The following CCDC6 variants were observed in gnomAD, a reference collection of about 807,000 sequenced individuals.
CCDC6 encodes coiled-coil domain containing 6.
CCDC6 carries 20 observed loss-of-function variants against 56.6 expected under a neutral mutation model. The observed-to-expected ratio is 0.35, with a 90% CI of 0.25 to 0.51. The LOEUF (loss-of-function observed/expected upper bound fraction) is 0.51. CCDC6 is among the 20% of genes least tolerant of loss of function. CCDC6 has a pLI of 0.95. For missense variants in CCDC6, 367 were observed against 601.1 expected, an observed-to-expected ratio of 0.61 and a Z score of 4.07; for synonymous variants, 241 against 234.4, an observed-to-expected ratio of 1.03 and a Z score of -0.26.
At chr10:59,837,881 A>C (rs1028841165) in intron 2 of CCDC6, among the ~76,000 whole-genome samples, 1 of 152,062 alleles carries the variant, frequency 6.6e-6, no homozygotes, top group African/African-American at 2.4e-5. Flanking sequence ...ATTACCAAGG[A>C]ATGGAGCTAC....
At chr10:59,882,817 G>A (rs543906845) in intron 1 of CCDC6, among the ~76,000 whole-genome samples, 27 of 152,148 alleles carry the variant, frequency 1.8e-4, no homozygotes, top group African/African-American at 5.8e-4. Context: ...AAAATTAGCC[G>A]GGCGTGGTGG....
intron 3 of CCDC6, among the ~76,000 whole-genome samples, chr10:59,818,502 G>GC (rs953227789): frequency 2.1e-5 from 3 of 140,552 alleles, no homozygotes; most frequent in Admixed American, 7.1e-5. Flanking sequence ...TGACGGGGGG[G>GC]GGGGAAGCAG....
At chr10:59,888,769 T>C (rs1436169760) in intron 1 of CCDC6, among the ~76,000 whole-genome samples, 1 of 152,212 alleles carries the variant, frequency 6.6e-6, no homozygotes, top group Non-Finnish European at 1.5e-5. Flanking sequence ...ATTTTAAGAC[T>C]ATGTGTCAAT....
intron 1 of CCDC6, among the ~76,000 whole-genome samples, chr10:59,861,003 T>G (rs767749528): frequency 7.2e-5 from 11 of 152,212 alleles, no homozygotes; most frequent in Middle Eastern, 6.8e-3. Flanking sequence ...GAGACCAGCC[T>G]GGCCAACATG....
chr10:59,902,684 G>A (rs12414629), intron 1 of CCDC6, among the ~76,000 whole-genome samples: 28,478 of 152,136 alleles, frequency 0.19, 2,981 homozygotes, highest in African/African-American at 0.27. Context: ...ACAGGCATGA[G>A]CCACCGCGCC....
chr10:59,796,934 G>A (rs1483383968), intron 7 of CCDC6, among the ~76,000 whole-genome samples: 15 of 146,828 alleles, frequency 1.0e-4, no homozygotes, highest in Non-Finnish European at 1.8e-4. Context: ...TCGTGCCACT[G>A]CACTCCAGCC....
rs1170125007 is a variant in CCDC6 at position 59,863,144 on chromosome 10, AATG to A, written c.304-10445_304-10443del. Among the ~76,000 whole-genome samples the A allele has an allele frequency of 6.6e-5, 10 of 152,314 alleles. No homozygotes were observed. In the East Asian group the frequency reaches 1.9e-3, roughly 29 times the overall value. ...TTTAATAAACTAAAAAAACAGAAGA[AATG>A]ATATATTGCTTAGAGATAACTTATG... On this transcript the variant is annotated intron_variant, in intron 1 of 8. Coordinates refer to ENST00000263102, the MANE Select transcript of CCDC6 (RefSeq NM_005436.5).
At position 59,790,859 on chromosome 10, in the gene CCDC6, G is replaced by C. The variant is rs2070461031; in HGVS notation, c.*2058C>G. 4.8e-6 allele frequency: 1 copy of C among 209,558 alleles called. No homozygotes were observed. The highest frequency in any genetic ancestry group is 2.3e-5 in the African/African-American group (1 of 43,986). The allele number at this position is 209,558 out of a possible 1,614,324, so 13.0% of individuals were successfully genotyped here. A position where few individuals can be genotyped will look rare whatever the true frequency, so the allele number is the denominator to read the frequency against. ...CTTTCAAGAGGTAACTAAATCGATA[G>C]GAAGCTGAGGGAAGATCATTCCATT... On this transcript the variant is annotated 3_prime_UTR_variant, in exon 9 of 9. Transcript: ENST00000263102.
At chr10:59,885,285 C>A (rs2071373947) in intron 1 of CCDC6, among the ~76,000 whole-genome samples, 1 of 152,032 alleles carries the variant, frequency 6.6e-6, no homozygotes, top group Non-Finnish European at 1.5e-5. Flanking sequence ...ATTATTTTGC[C>A]ACATCTAGAT....
chr10:59,803,318 TAA>T (rs879719647), intron 7 of CCDC6, among the ~76,000 whole-genome samples: 4 of 145,022 alleles, frequency 2.8e-5, no homozygotes, highest in Non-Finnish European at 3.0e-5. Context: ...TGCCTCCTCT[TAA>T]AAAAAAAAAA....
intron 5 of CCDC6, among the ~76,000 whole-genome samples, chr10:59,809,447 C>T (rs992712003): frequency 6.6e-6 from 1 of 152,142 alleles, no homozygotes; most frequent in African/African-American, 2.4e-5. Flanking sequence ...GGCAGTTCAG[C>T]AATTGACCTA....
At chr10:59,836,289 T>G (rs1027830685) in intron 2 of CCDC6, among the ~76,000 whole-genome samples, 1 of 152,164 alleles carries the variant, frequency 6.6e-6, no homozygotes, top group Non-Finnish European at 1.5e-5. Flanking sequence ...CAATAGGGTT[T>G]GAACCAACAC....
chr10:59,869,455 A>T (rs2071209192), intron 1 of CCDC6, among the ~76,000 whole-genome samples: 2 of 150,434 alleles, frequency 1.3e-5, no homozygotes, highest in South Asian at 4.2e-4. Context: ...AAACAAAAAC[A>T]AACAAACAAA....
intron 1 of CCDC6, among the ~76,000 whole-genome samples, chr10:59,866,346 C>T (rs774931129): frequency 6.6e-6 from 1 of 152,126 alleles, no homozygotes; most frequent in Admixed American, 6.5e-5. Context: ...GAGGAAAAAG[C>T]TAAGCATTTT....
chr10:59,809,853 A>G (rs943178073), intron 5 of CCDC6, among the ~76,000 whole-genome samples: 2 of 152,246 alleles, frequency 1.3e-5, no homozygotes, highest in African/African-American at 4.8e-5. Context: ...AGTTTCCAAG[A>G]ACCCAAGGAT....
Position 59,812,699 on chromosome 10 carries a change from G to A in CCDC6, c.783C>T (p.His261=), listed in dbSNP as rs1642155204. 1.9e-6 allele frequency: 3 copies of A among 1,612,994 alleles called. No individual in the cohort carries two copies. Among genetic ancestry groups the A allele is most frequent in the African/African-American group, 2.7e-5 (2 of 74,968 alleles). ...EIDSPENMMR[H]IRFLKNEVER... Reference sequence around the variant, plus strand: ...CCACTTCATTCTTTAAAAACCTGATGTGACGCATCATATTTTCTGGAGAAT... The same window carrying A: ...CCACTTCATTCTTTAAAAACCTGATATGACGCATCATATTTTCTGGAGAAT... Residue 261 remains histidine (H), a synonymous_variant, in exon 5 of 9, where the codon CAC becomes CAT. Transcript: ENST00000263102.
At chr10:59,831,703 A>C (rs914078544) in intron 3 of CCDC6, among the ~76,000 whole-genome samples, 5 of 152,222 alleles carry the variant, frequency 3.3e-5, no homozygotes, top group African/African-American at 1.2e-4. Context: ...GGACGCTAGC[A>C]TGGGTGAAGG....
chr10:59,884,243 C>A (rs2071366763), intron 1 of CCDC6, among the ~76,000 whole-genome samples: 1 of 151,764 alleles, frequency 6.6e-6, no homozygotes, highest in Non-Finnish European at 1.5e-5. Context: ...TCAAAACAAA[C>A]AAAAAAATAA....
At chr10:59,895,576 C>A (rs2132685325) in intron 1 of CCDC6, among the ~76,000 whole-genome samples, 1 of 152,298 alleles carries the variant, frequency 6.6e-6, no homozygotes, top group East Asian at 1.9e-4. Flanking sequence ...CCATAGTAAG[C>A]ACTGGATAAA....
Sources: allele counts gnomAD v4.1 joint callset (sites outside exome capture counted in the v4.1 genomes callset), GRCh38; gene constraint gnomAD v4.1.1; transcripts MANE v1.5; gene names NCBI Gene and HGNC (gene_info 2026-07-23, HGNC 2026-07-21).